EPB41L4A: variants seen among roughly 807,000 people sequenced by gnomAD.
EPB41L4A encodes erythrocyte membrane protein band 4.1 like 4A, also known as band 4.1-like protein 4A.
Under a neutral mutation model 108.6 loss-of-function variants are expected in EPB41L4A, and 100 were observed. The observed-to-expected ratio is 0.92, with a 90% confidence interval of 0.78 to 1.09. The LOEUF (loss-of-function observed/expected upper bound fraction) is 1.09. EPB41L4A is among the 50% of genes least tolerant of loss of function. The pLI, the probability that EPB41L4A is intolerant of heterozygous loss-of-function variation, is 0.00. For missense variants in EPB41L4A, 1,030 were observed against 842.7 expected (o/e 1.22, Z -2.75); for synonymous variants, 319 against 289.0 (o/e 1.10, Z -1.05).
At chr5:112,165,167 A>G (rs752431836) in intron 22 of EPB41L4A, 49 bp from the exon 23 acceptor site, 3 of 1,456,632 alleles carry the variant, frequency 2.1e-6, no homozygotes, top group Non-Finnish European at 2.8e-6. Flanking sequence ...AAACAGCCAA[A>G]TGAAGTATTT....
At chr5:112,401,547 A>G (rs960825493) in intron 1 of EPB41L4A, among the ~76,000 whole-genome samples, 4 of 152,234 alleles carry the variant, frequency 2.6e-5, no homozygotes, top group African/African-American at 9.6e-5. Context: ...TATGGATTGC[A>G]TATGCTTTAT....
intron 1 of EPB41L4A, among the ~76,000 whole-genome samples, chr5:112,328,209 T>C (rs989601369): frequency 6.6e-6 from 1 of 152,040 alleles, no homozygotes; most frequent in Non-Finnish European, 1.5e-5. Context: ...CTTTGGAACC[T>C]GAAGCAGGAG....
intron 9 of EPB41L4A, among the ~76,000 whole-genome samples, chr5:112,255,005 C>T (rs1750972519): frequency 6.6e-6 from 1 of 152,122 alleles, no homozygotes; most frequent in Admixed American, 6.5e-5. Flanking sequence ...CACTGTTCTT[C>T]CATCTCTGAA....
At position 112,165,126 on chromosome 5, in the gene EPB41L4A, A is replaced by AAAG; in HGVS notation, c.1933-9_1933-8insCTT. The AAAG allele has an allele frequency of 1.3e-6, 2 of 1,581,818 alleles. No homozygotes were observed. The highest frequency in any genetic ancestry group is 1.1e-5 in the South Asian group (1 of 87,410). On this transcript the variant is annotated splice_polypyrimidine_tract_variant and intron_variant, in intron 22 of 22. Transcript: ENST00000261486. ...TTTAGACCCATTTCTTCTCTAAAAT[A>AAAG]TATTTGAAAAATGTAGAAAGATTCA...
intron 2 of EPB41L4A, among the ~76,000 whole-genome samples, chr5:112,287,249 A>G (rs1285255043): frequency 1.3e-5 from 2 of 152,128 alleles, no homozygotes; most frequent in Non-Finnish European, 2.9e-5. Context: ...GATGTCCAAA[A>G]GAAAACTGAT....
intron 3 of EPB41L4A, among the ~76,000 whole-genome samples, chr5:112,279,082 A>AT (rs1183765817): frequency 3.3e-5 from 5 of 151,720 alleles, no homozygotes; most frequent in Non-Finnish European, 7.4e-5. Context: ...AAAAAAAAAA[A>AT]AAAATCATTC....
At chr5:112,241,860 T>G (rs1266476787) in intron 9 of EPB41L4A, among the ~76,000 whole-genome samples, 2 of 152,222 alleles carry the variant, frequency 1.3e-5, no homozygotes, top group Non-Finnish European at 2.9e-5. Flanking sequence ...GCACATATTT[T>G]TTGGCTTCCT....
intron 1 of EPB41L4A, among the ~76,000 whole-genome samples, chr5:112,384,098 G>A (rs1455419741): frequency 6.6e-6 from 1 of 152,140 alleles, no homozygotes; most frequent in Non-Finnish European, 1.5e-5. Flanking sequence ...AGGAGTCGCT[G>A]GTGGGGAGGA....
At chr5:112,158,557 A>G (rs1311834030), downstream of EPB41L4A, 2 of 186,918 alleles carry the variant, frequency 1.1e-5, no homozygotes, top group South Asian at 1.8e-4. Context: ...GCTGCTGCCA[A>G]TCAAGACATA....
intron 1 of EPB41L4A, among the ~76,000 whole-genome samples, chr5:112,313,567 G>C (rs982757053): frequency 7.2e-5 from 11 of 152,224 alleles, no homozygotes; most frequent in Middle Eastern, 3.4e-3. Context: ...CTGCAGCCTG[G>C]GCGACAGAGC....
chr5:112,397,078 AC>A (rs899331172), intron 1 of EPB41L4A, among the ~76,000 whole-genome samples: 1 of 151,860 alleles, frequency 6.6e-6, no homozygotes, highest in African/African-American at 2.4e-5. Flanking sequence ...ATCAGGCCTC[AC>A]CCCCTTTCTA....
chr5:112,220,909 G>A (rs1043077154), intron 12 of EPB41L4A, among the ~76,000 whole-genome samples: 2 of 152,026 alleles, frequency 1.3e-5, no homozygotes, highest in Non-Finnish European at 2.9e-5. Context: ...CCCCCCTCCA[G>A]GTTATTACCA....
intron 2 of EPB41L4A, among the ~76,000 whole-genome samples, chr5:112,302,692 G>C (rs573413766): frequency 6.6e-6 from 1 of 152,262 alleles, no homozygotes; most frequent in South Asian, 2.1e-4. Flanking sequence ...TCTGAATCCA[G>C]ATTTTGAATT....
At chr5:112,152,899 T>C (rs927914680) in intron 12 of EPB41L4A, among the ~76,000 whole-genome samples, 1 of 152,226 alleles carries the variant, frequency 6.6e-6, no homozygotes, top group Non-Finnish European at 1.5e-5. Flanking sequence ...TGTATGAATA[T>C]GGATGCAATA....
intron 1 of EPB41L4A, among the ~76,000 whole-genome samples, chr5:112,414,245 G>A (rs770855439): frequency 2.6e-5 from 4 of 151,990 alleles, no homozygotes; most frequent in African/African-American, 7.3e-5. Context: ...GAATATGAGG[G>A]TAAACAACTC....
Position 112,419,094 on chromosome 5 carries a change from C to CTCGGTG in EPB41L4A, c.-56_-55insCACCGA. ...GAAAGCTACCACCGAGGCGCCCAGC[C>CTCGGTG]GCCCCCTCCACTCAAGCGCGATGCA... On this transcript the variant is annotated 5_prime_UTR_variant, in exon 1 of 23. Transcript: ENST00000261486. 1 of 1,355,322 alleles carries CTCGGTG rather than the reference C, an allele frequency of 7.4e-7. No individual in the cohort carries two copies. Among genetic ancestry groups the CTCGGTG allele is most frequent in the Non-Finnish European group, 1.1e-6 (1 of 947,152 alleles). 84.0% of individuals were successfully genotyped at this position (1,355,322 alleles called of 1,614,324 possible).
chr5:112,294,021 T>TCCTCATATAATATG (rs1208899848), intron 2 of EPB41L4A, among the ~76,000 whole-genome samples: 14 of 152,164 alleles, frequency 9.2e-5, no homozygotes. Context: ...TGAACTCAAA[T>TCCTCATATAATATG]CCTCATATAA....
chr5:112,224,395 TAA>T (rs35985769), intron 12 of EPB41L4A, among the ~76,000 whole-genome samples: 2 of 149,786 alleles, frequency 1.3e-5, no homozygotes, highest in African/African-American at 4.9e-5. Flanking sequence ...CCCATATACT[TAA>T]AAAAAAAACT....
intron 12 of EPB41L4A, among the ~76,000 whole-genome samples, chr5:112,233,390 T>C (rs191903813): frequency 6.6e-6 from 1 of 152,188 alleles, no homozygotes; most frequent in Non-Finnish European, 1.5e-5. Flanking sequence ...GCAGGCTAGA[T>C]TAAACTTTGT....
Sources: gnomAD v4.1 joint callset for allele counts (sites outside exome capture counted in the v4.1 genomes callset) on GRCh38, gnomAD v4.1.1 for gene constraint, MANE v1.5 for transcripts, NCBI Gene and HGNC (gene_info 2026-07-23, HGNC 2026-07-21) for gene names.